TDRD9: variants seen among roughly 807,000 people sequenced by gnomAD.
TDRD9 encodes tudor domain containing 9.
TDRD9 carries 124 observed loss-of-function variants against 172.6 expected under a neutral mutation model. The observed-to-expected ratio is 0.72, with a 90% confidence interval of 0.62 to 0.83. TDRD9 has a LOEUF of 0.83. TDRD9 is among the 40% of genes least tolerant of loss of function. The probability of loss-of-function intolerance (pLI) is 0.00; values close to 1 mark genes in which losing one functional copy is unlikely to be tolerated. For synonymous variants in TDRD9, 619 were observed against 617.1 expected (o/e 1.00, Z -0.05); for missense variants, 1,479 against 1,714.1 (o/e 0.86, Z 2.42).
At chr14:103,966,024 G>A (rs1456509461) in intron 4 of TDRD9, among the ~76,000 whole-genome samples, 1 of 151,850 alleles carries the variant, frequency 6.6e-6, no homozygotes, top group African/African-American at 2.4e-5. Context: ...TTAAAAAGCA[G>A]TGAAACAGAA....
Position 104,024,681 on chromosome 14 carries a change from G to A in TDRD9, c.2718+1G>A. 1 of 1,564,688 alleles carries A rather than the reference G, an allele frequency of 6.4e-7. No homozygotes were observed. The highest frequency in any genetic ancestry group is 1.1e-5 in the South Asian group (1 of 88,544). On this transcript the variant is annotated splice_donor_variant, in intron 25 of 35. Coordinates refer to ENST00000409874, the MANE Select transcript of TDRD9 (RefSeq NM_153046.3). LOFTEE classifies it high-confidence loss of function. ...CCTTCTAACTATTGATGTCACAGAG[G>A]TAAGGATGAAGTAATTGAGCTTTTC... is the stretch of plus-strand genomic sequence containing the variant.
At chr14:103,934,761 G>A (rs1009321447) in intron 1 of TDRD9, among the ~76,000 whole-genome samples, 11 of 152,234 alleles carry the variant, frequency 7.2e-5, no homozygotes, top group Non-Finnish European at 1.5e-4. Context: ...CAGCCTGGGC[G>A]ACAGAGGTGA....
chr14:104,041,397 AC>A (rs1355081382), intron 33 of TDRD9, among the ~76,000 whole-genome samples: 4 of 152,210 alleles, frequency 2.6e-5, no homozygotes, highest in Non-Finnish European at 5.9e-5. Context: ...AAAATTAAAA[AC>A]TTTTGTTCCG....
intron 8 of TDRD9, among the ~76,000 whole-genome samples, chr14:103,987,944 T>C (rs1472204776): frequency 6.6e-6 from 1 of 152,260 alleles, no homozygotes; most frequent in African/African-American, 2.4e-5. Context: ...GATGCATATA[T>C]GTTTATACCT....
intron 1 of TDRD9, among the ~76,000 whole-genome samples, chr14:103,937,869 A>ATTTTTTTTTTT (rs2030877082): frequency 1.5e-5 from 2 of 130,850 alleles, no homozygotes; most frequent in African/African-American, 5.5e-5. Flanking sequence ...TTTTTTTTTA[A>ATTTTTTTTTTT]TTTTCTTTTT....
In TDRD9 at chr14:104,050,603, ATCCTGCGCCTCAAGGTTGC is replaced by A. The variant is rs547091706; in HGVS notation, c.4047+930_4047+948del. ...GCTCTGCCTTGGAGGACTGTGTCCC[ATCCTGCGCCTCAAGGTTGC>A]TCCTGCTGTGAGGCTCGCCTGCTCC... is the stretch of plus-strand genomic sequence containing the variant. On this transcript the variant is annotated intron_variant, in intron 35 of 35. Transcript: ENST00000409874. Among the ~76,000 whole-genome samples, 1,240 of 152,298 alleles carry A rather than the reference ATCCTGCGCCTCAAGGTTGC, an allele frequency of 8.1e-3. 15 individuals are homozygous for A. Among genetic ancestry groups the A allele is most frequent in the African/African-American group, 0.028 (1,180 of 41,554 alleles).
chr14:103,928,744 G>C lies in TDRD9; in HGVS notation c.215+20G>C. ...CGAAAGGTAGGACGCGGGCGGGGCG[G>C]AGGCGGCTGGAGGGCGGCCGGGCGA... is the stretch of plus-strand genomic sequence containing the variant. On this transcript the variant is annotated intron_variant, in intron 1 of 35. Transcript: ENST00000409874. The C allele has an allele frequency of 9.9e-7, 1 of 1,012,656 alleles. No homozygotes were observed. Among genetic ancestry groups the C allele is most frequent in the South Asian group, 4.8e-5 (1 of 20,706 alleles). The allele number at this position is 1,012,656 out of a possible 1,614,324, so 62.7% of individuals were successfully genotyped here.
chr14:104,007,951 T>C (rs2034497137), intron 19 of TDRD9, among the ~76,000 whole-genome samples: 1 of 152,092 alleles, frequency 6.6e-6, no homozygotes, highest in South Asian at 2.1e-4. Flanking sequence ...CTACTTTTTT[T>C]GTATTTTTTA....
At chr14:103,951,730 C>T (rs1337454849) in intron 1 of TDRD9, among the ~76,000 whole-genome samples, 1 of 152,166 alleles carries the variant, frequency 6.6e-6, no homozygotes, top group East Asian at 1.9e-4. Context: ...TTCTACTTCA[C>T]AATTTAAATA....
intron 13 of TDRD9, among the ~76,000 whole-genome samples, chr14:104,000,673 T>C (rs764874941): frequency 2.0e-5 from 3 of 152,014 alleles, no homozygotes; most frequent in Non-Finnish European, 4.4e-5. Context: ...TAATCCCAAC[T>C]ACTTGGGAGG....
chr14:103,991,043 A>T, intron 8 of TDRD9, 117 bp from the exon 9 acceptor site: 1 of 1,177,504 alleles, frequency 8.5e-7, no homozygotes, highest in Non-Finnish European at 1.2e-6. Context: ...AAGGAACATT[A>T]CATTGGATGA....
In TDRD9 at chr14:104,042,114, C is replaced by T; in HGVS notation, c.3901C>T (p.Pro1301Ser). 8.1e-6 allele frequency: 13 copies of T among 1,613,726 alleles called. No homozygotes were observed. Among genetic ancestry groups the T allele is most frequent in the Non-Finnish European group, 1.1e-5 (13 of 1,179,674 alleles). The change falls in exon 34 of 36, where the codon CCA becomes TCA. Residue 1301 changes from proline to serine, a missense_variant. Transcript: ENST00000409874. ...TATTAACAAGCTAGTCTGTGATGGA[C>T]CAAATGGATGCAAGTGTCTTGGGCC... ...AAINKLVCDG[P>S]NGCKCLGPER...
At chr14:103,972,688 A>T (rs1394821456) in intron 6 of TDRD9, among the ~76,000 whole-genome samples, 2 of 152,222 alleles carry the variant, frequency 1.3e-5, no homozygotes, top group Non-Finnish European at 2.9e-5. Context: ...TGCTTTCTAA[A>T]CCATAAAGCA....
At chr14:103,967,797 A>T (rs8004485) in intron 5 of TDRD9, among the ~76,000 whole-genome samples, 3,755 of 152,270 alleles carry the variant, frequency 0.025, 159 homozygotes, top group Admixed American at 0.12. Flanking sequence ...TTTATGACTT[A>T]TGGTAGTTTT....
intron 32 of TDRD9, among the ~76,000 whole-genome samples, chr14:104,037,336 G>A (rs2035481267): frequency 6.6e-6 from 1 of 152,160 alleles, no homozygotes; most frequent in African/African-American, 2.4e-5. Flanking sequence ...CACCCGCATG[G>A]GACTCGTCTC....
intron 23 of TDRD9, among the ~76,000 whole-genome samples, chr14:104,018,797 T>C (rs147522791): frequency 2.0e-5 from 3 of 152,368 alleles, no homozygotes; most frequent in South Asian, 2.1e-4. Context: ...GTTCTGTGAA[T>C]GTTGTATAAA....
At chr14:104,011,540 T>A (rs1835514755) in intron 20 of TDRD9, among the ~76,000 whole-genome samples, 1 of 152,104 alleles carries the variant, frequency 6.6e-6, no homozygotes, top group South Asian at 2.1e-4. Flanking sequence ...GGGATCAATT[T>A]TAAAAAAAAT....
chr14:104,003,592 C>G (rs574371314), intron 13 of TDRD9, among the ~76,000 whole-genome samples: 3 of 152,298 alleles, frequency 2.0e-5, no homozygotes, highest in South Asian at 4.1e-4. Context: ...CCTCCTACCC[C>G]TCCCTTCACT....
At chr14:103,994,700 C>T (rs192323707) in intron 11 of TDRD9, 97 bp downstream of exon 11, 87 of 977,790 alleles carry the variant, frequency 8.9e-5, no homozygotes, top group Non-Finnish European at 1.2e-4. Context: ...GTGGCTCATG[C>T]GTGTGTTTCC....
Sources: gnomAD v4.1 joint callset for allele counts (sites outside exome capture counted in the v4.1 genomes callset) on GRCh38, gnomAD v4.1.1 for gene constraint, MANE v1.5 for transcripts, NCBI Gene and HGNC (gene_info 2026-07-23, HGNC 2026-07-21) for gene names.